The following PPTC7 variants were observed in gnomAD, a reference collection of about 807,000 sequenced individuals.
PPTC7 encodes the protein protein phosphatase targeting COQ7.
A neutral mutation model predicts 30.8 loss-of-function variants in PPTC7; 6 were observed. The observed-to-expected ratio is 0.19, with a 90% CI of 0.11 to 0.38. The LOEUF is 0.38. Ranked by LOEUF, PPTC7 falls within the 10% of genes least tolerant of loss-of-function variation. The pLI is 1.00. For synonymous variants in PPTC7, 163 were observed against 168.1 expected, an observed-to-expected ratio of 0.97 and a Z score of 0.23; for missense variants, 218 against 404.8, an observed-to-expected ratio of 0.54 and a Z score of 3.96.
chr12:110,543,212 T>C (rs1489108176), intron 3 of PPTC7, among the ~76,000 whole-genome samples: 1 of 152,194 alleles, frequency 6.6e-6, no homozygotes, highest in African/African-American at 2.4e-5. Flanking sequence ...GGATTCACAC[T>C]AAATGCACTC....
At chr12:110,552,005 C>T (rs1433574699) in intron 1 of PPTC7, 37 bp from the exon 2 acceptor site, 1 of 1,551,036 alleles carries the variant, frequency 6.4e-7, no homozygotes, top group East Asian at 2.3e-5. Context: ...AAAGAACAAT[C>T]TTACCAACTT....
intron 1 of PPTC7, among the ~76,000 whole-genome samples, chr12:110,572,541 G>A (rs954989806): frequency 6.6e-6 from 1 of 152,192 alleles, no homozygotes; most frequent in Non-Finnish European, 1.5e-5. Context: ...ATGAATACGA[G>A]AACAGTGCAA....
At chr12:110,577,410 C>T (rs1189690232) in intron 1 of PPTC7, among the ~76,000 whole-genome samples, 1 of 152,076 alleles carries the variant, frequency 6.6e-6, no homozygotes, top group Non-Finnish European at 1.5e-5. Context: ...AGACTGAAGT[C>T]AGTGGGTGCA....
rs140751922 is a variant in PPTC7, at chr12:110,545,382, C to T, written c.602+498G>A. ...TCCTGGGATTACAGGCGTGAGTCACCGTGCCCAGTCACTTAAGACCATTTT... is the reference window on the plus strand; with the variant it reads ...TCCTGGGATTACAGGCGTGAGTCACTGTGCCCAGTCACTTAAGACCATTTT... On this transcript the variant is annotated intron_variant, in intron 3 of 5. Coordinates refer to ENST00000354300, the MANE Select transcript of PPTC7 (RefSeq NM_139283.2). Among the ~76,000 whole-genome samples, 94 of 152,292 alleles carry T rather than the reference C, an allele frequency of 6.2e-4. 1 individual carries two copies. The East Asian group carries it at 0.015, about 24-fold the overall frequency.
At chr12:110,562,395 C>T (rs1483786948) in intron 1 of PPTC7, among the ~76,000 whole-genome samples, 1 of 149,954 alleles carries the variant, frequency 6.7e-6, no homozygotes, top group Non-Finnish European at 1.5e-5. Context: ...AGAAAAATGT[C>T]ATGTGCTTTT....
chr12:110,548,030 C>G (rs2064321793), intron 2 of PPTC7, among the ~76,000 whole-genome samples: 1 of 151,762 alleles, frequency 6.6e-6, no homozygotes, highest in South Asian at 2.1e-4. Flanking sequence ...TTGTTTGAAC[C>G]CGGGGGGCAG....
At chr12:110,576,609 TG>T (rs1388711620) in intron 1 of PPTC7, among the ~76,000 whole-genome samples, 1 of 152,136 alleles carries the variant, frequency 6.6e-6, no homozygotes, top group East Asian at 1.9e-4. Context: ...AGGGAAAACA[TG>T]CTAAGGAAAA....
intron 2 of PPTC7, 147 bp from the exon 3 acceptor site, chr12:110,546,225 C>G (rs1017600443): frequency 1.6e-6 from 1 of 633,286 alleles, no homozygotes; most frequent in African/African-American, 1.8e-5. Flanking sequence ...TCCACATCCT[C>G]TACGAATATC....
intron 5 of PPTC7, 46 bp from the exon 6 acceptor site, chr12:110,537,141 T>C: frequency 1.4e-6 from 2 of 1,474,780 alleles, no homozygotes; most frequent in Non-Finnish European, 1.9e-6. Flanking sequence ...AAAGGAAAAG[T>C]CAATAAAAAA....
chr12:110,575,607 CAAAAAAAAAAA>C (rs55831249), intron 1 of PPTC7, among the ~76,000 whole-genome samples: 6 of 26,520 alleles, frequency 2.3e-4, no homozygotes, highest in East Asian at 3.1e-3. Flanking sequence ...AACCCCACCT[CAAAAAAAAAAA>C]AAAAAAAAAA....
intron 1 of PPTC7, among the ~76,000 whole-genome samples, chr12:110,560,047 A>C (rs2064425570): frequency 6.6e-6 from 1 of 152,206 alleles, no homozygotes. Flanking sequence ...ATTCTTAAGC[A>C]ATTTTCATTT....
chr12:110,546,200 C>G (rs1034564119), intron 2 of PPTC7, 122 bp from the exon 3 acceptor site: 2 of 739,604 alleles, frequency 2.7e-6, no homozygotes, highest in Non-Finnish European at 4.5e-6. Context: ...TAAACAGGAC[C>G]TTTCTTAGTT....
intron 1 of PPTC7, among the ~76,000 whole-genome samples, chr12:110,566,855 T>G (rs2064488137): frequency 6.6e-6 from 1 of 152,164 alleles, no homozygotes; most frequent in Non-Finnish European, 1.5e-5. Context: ...CAAGTACTAA[T>G]AAACATATAT....
In PPTC7 at chr12:110,556,908, C is replaced by G. The variant is rs139011239; in HGVS notation, c.224-4940G>C. The stretch of plus-strand genomic sequence containing the variant: ...GAATGCAGCGCCTCAAGAACAGTGC[C>G]AGCCTGCTCTGAAAGTGGCATTCGG... On this transcript the variant is annotated intron_variant, in intron 1 of 5. Transcript: ENST00000354300. Among the ~76,000 whole-genome samples the G allele has an allele frequency of 6.8e-3, 1,040 of 152,264 alleles. 1 individual carries two copies. Among genetic ancestry groups the G allele is most frequent in the Non-Finnish European group, 9.3e-3 (636 of 68,022 alleles).
At chr12:110,574,141 T>TAAAAAAAAAAAAAAAAAA (rs58133391) in intron 1 of PPTC7, among the ~76,000 whole-genome samples, 2 of 37,444 alleles carry the variant, frequency 5.3e-5, no homozygotes, top group Non-Finnish European at 9.5e-5. Flanking sequence ...CCACAATAAT[T>TAAAAAAAAAAAAAAAAAA]AAAAAAAAAA....
Position 110,536,613 on chromosome 12 carries a change from G to A in PPTC7, c.*424C>T, listed in dbSNP as rs1429036250. The A allele has an allele frequency of 6.2e-6, 1 of 160,014 alleles. No homozygotes were observed. The highest frequency in any genetic ancestry group is 1.4e-5 in the Non-Finnish European group (1 of 73,310). The allele number at this position is 160,014 out of a possible 1,614,324, so 9.9% of individuals were successfully genotyped here. The stretch of plus-strand genomic sequence containing the variant: ...TGTAACATTTCTTTTGATGAATAAT[G>A]TATGTTTCTAGTAGATGTATCATTA... On this transcript the variant is annotated 3_prime_UTR_variant, in exon 6 of 6. Coordinates refer to ENST00000354300, the MANE Select transcript of PPTC7 (RefSeq NM_139283.2).
rs1448403158 is a variant in PPTC7, at chr12:110,581,940, C to T, written c.223+869G>A. Among the ~76,000 whole-genome samples the T allele has an allele frequency of 2.6e-5, 4 of 152,180 alleles. No individual in the cohort carries two copies. The East Asian group carries it at 7.7e-4, about 29-fold the overall frequency. On this transcript the variant is annotated intron_variant, in intron 1 of 5. Coordinates refer to ENST00000354300, the MANE Select transcript of PPTC7 (RefSeq NM_139283.2). Reference sequence around the variant, plus strand: ...TCAAAGAGTTTTAACGGCACAATATCCCATAGCATACACAAAATCTCCTAA... The same window carrying T: ...TCAAAGAGTTTTAACGGCACAATATTCCATAGCATACACAAAATCTCCTAA...
rs1186433850 is a variant in PPTC7, at chr12:110,535,119, C to T, written c.*1918G>A. On this transcript the variant is annotated 3_prime_UTR_variant, in exon 6 of 6. Transcript: ENST00000354300. ...AATAGTTTGTGCAAAATAAATACCC[C>T]GCCACTTGCCACTCATGCTTCTGTG... 2 of 152,460 alleles carry T rather than the reference C, an allele frequency of 1.3e-5. No homozygotes were observed. Among genetic ancestry groups the T allele is most frequent in the East Asian group, 1.9e-4 (1 of 5,188 alleles). 9.4% of individuals were successfully genotyped at this position (152,460 alleles called of 1,614,324 possible).
At position 110,581,361 on chromosome 12, in the gene PPTC7, C is replaced by T. The variant is rs532615326; in HGVS notation, c.223+1448G>A. 7.6e-4 allele frequency among the ~76,000 whole-genome samples: 115 copies of T among 152,100 alleles called. 2 individuals carry two copies. The South Asian group carries it at 0.023, about 31-fold the overall frequency. On this transcript the variant is annotated intron_variant, in intron 1 of 5. Transcript: ENST00000354300. Reference sequence around the variant, plus strand: ...CCGGGGAGGCGGAGGCTGCAGTGAGCCAAGATTGCGCCACTGCACTCCAGC... The same window carrying T: ...CCGGGGAGGCGGAGGCTGCAGTGAGTCAAGATTGCGCCACTGCACTCCAGC...
Sources: gnomAD v4.1 joint callset for allele counts (sites outside exome capture counted in the v4.1 genomes callset) on GRCh38, gnomAD v4.1.1 for gene constraint, MANE v1.5 for transcripts, NCBI Gene and HGNC (gene_info 2026-07-23, HGNC 2026-07-21) for gene names.